BMP6: variants seen among roughly 807,000 people sequenced by gnomAD.
BMP6 encodes the protein VG-1-R.
A neutral mutation model predicts 54.1 loss-of-function variants in BMP6; 17 were observed. That is an observed-to-expected ratio of 0.31 (90% CI 0.22 to 0.47). The LOEUF is 0.47. Among genes scored for constraint, BMP6 ranks in the 20% least tolerant of loss-of-function variants. The probability of loss-of-function intolerance (pLI) is 1.00; values close to 1 mark genes in which losing one functional copy is unlikely to be tolerated. For missense variants in BMP6, 720 were observed against 690.4 expected (o/e 1.04, Z -0.48); for synonymous variants, 328 against 291.2 (o/e 1.13, Z -1.28).
intron 1 of BMP6, among the ~76,000 whole-genome samples, chr6:7,769,787 G>A (rs545770985): frequency 3.9e-4 from 60 of 152,256 alleles, no homozygotes; most frequent in Non-Finnish European, 7.1e-4. Context: ...GAGTCCTACC[G>A]CATGTCTGCA....
At chr6:7,826,526 G>C (rs1378080873) in intron 1 of BMP6, among the ~76,000 whole-genome samples, 3 of 152,168 alleles carry the variant, frequency 2.0e-5, no homozygotes, top group South Asian at 2.1e-4. Context: ...GCGTTTGAAG[G>C]TTATAAAAAG....
chr6:7,807,445 T>A (rs1187241110), intron 1 of BMP6, among the ~76,000 whole-genome samples: 1 of 152,112 alleles, frequency 6.6e-6, no homozygotes, highest in Admixed American at 6.5e-5. Flanking sequence ...CACACCCGGC[T>A]GATTTTTGCA....
At chr6:7,874,493 C>T (rs895667799) in intron 4 of BMP6, among the ~76,000 whole-genome samples, 15 of 152,176 alleles carry the variant, frequency 9.9e-5, no homozygotes, top group African/African-American at 1.9e-4. Flanking sequence ...AGGTGGCTCA[C>T]GCCTGTAATC....
intron 1 of BMP6, among the ~76,000 whole-genome samples, chr6:7,778,650 T>G (rs1027639602): frequency 1.5e-4 from 23 of 152,208 alleles, no homozygotes; most frequent in Non-Finnish European, 3.1e-4. Flanking sequence ...TGTCATAATT[T>G]TAGGGTTTCA....
chr6:7,778,055 C>G (rs754177110), intron 1 of BMP6, among the ~76,000 whole-genome samples: 1 of 152,110 alleles, frequency 6.6e-6, no homozygotes, highest in Non-Finnish European at 1.5e-5. Context: ...AAGTGCATCT[C>G]CCTGGAGAGG....
At chr6:7,879,830 T>C (rs1340143932) in intron 5 of BMP6, among the ~76,000 whole-genome samples, 161 bp from the exon 6 acceptor site, 1 of 152,230 alleles carries the variant, frequency 6.6e-6, no homozygotes, top group Non-Finnish European at 1.5e-5. Context: ...CTTCCCAGCA[T>C]TGCCACTTGA....
intron 1 of BMP6, among the ~76,000 whole-genome samples, chr6:7,783,673 C>T (rs538126066): frequency 1.4e-4 from 21 of 152,362 alleles, no homozygotes; most frequent in Non-Finnish European, 2.6e-4. Flanking sequence ...CCCCTCCTTT[C>T]TCTTGTTCAC....
intron 1 of BMP6, among the ~76,000 whole-genome samples, chr6:7,835,546 C>G (rs1230149888): frequency 6.6e-6 from 1 of 152,132 alleles, no homozygotes; most frequent in Non-Finnish European, 1.5e-5. Flanking sequence ...TGTGTTTTGA[C>G]TGGAGATGTA....
intron 1 of BMP6, among the ~76,000 whole-genome samples, chr6:7,803,685 T>C (rs1758305524): frequency 6.6e-6 from 1 of 152,214 alleles, no homozygotes; most frequent in Admixed American, 6.5e-5. Context: ...CGCCCTTCTC[T>C]GCCAGCCCTT....
intron 4 of BMP6, among the ~76,000 whole-genome samples, chr6:7,875,678 G>A (rs1023570800): frequency 6.6e-6 from 1 of 152,152 alleles, no homozygotes; most frequent in Non-Finnish European, 1.5e-5. Context: ...AGAAAAAAAA[G>A]TTTTATCAGC....
chr6:7,808,121 C>T (rs1014076912), intron 1 of BMP6, among the ~76,000 whole-genome samples: 33 of 152,064 alleles, frequency 2.2e-4, no homozygotes, highest in Admixed American at 9.8e-4. Flanking sequence ...GGGGTTTCAC[C>T]GTGTTAGCCA....
At chr6:7,856,807 G>A (rs988822165) in intron 2 of BMP6, among the ~76,000 whole-genome samples, 16 of 151,146 alleles carry the variant, frequency 1.1e-4, no homozygotes, top group East Asian at 5.8e-4. Context: ...CGTTTTAGCC[G>A]GGATGGTCTC....
At chr6:7,816,716 G>A (rs757328889) in intron 1 of BMP6, among the ~76,000 whole-genome samples, 3 of 151,982 alleles carry the variant, frequency 2.0e-5, no homozygotes, top group Non-Finnish European at 4.4e-5. Context: ...GCACAGCAGA[G>A]TATACTTTGT....
intron 1 of BMP6, among the ~76,000 whole-genome samples, chr6:7,792,437 G>A (rs1758124419): frequency 6.6e-6 from 1 of 152,160 alleles, no homozygotes. Flanking sequence ...CTTCTAAACA[G>A]TATTTTACTA....
At chr6:7,816,793 ATATAT>A (rs1162579452) in intron 1 of BMP6, among the ~76,000 whole-genome samples, 2 of 151,976 alleles carry the variant, frequency 1.3e-5, no homozygotes, top group Non-Finnish European at 1.5e-5. Context: ...TGGAGGGATA[ATATAT>A]TAGATTAAAA....
chr6:7,880,752 A>G lies in BMP6; in HGVS notation c.*409A>G, dbSNP rs911369032. On this transcript the variant is annotated 3_prime_UTR_variant, in exon 7 of 7. Coordinates refer to ENST00000283147, the MANE Select transcript of BMP6 (RefSeq NM_001718.6). ...TCTTGGCTAAAGGATCAGCTGGTTC[A>G]GTACTGTCTATCAAAGGTAGATTTT... 1.2e-5 allele frequency: 3 copies of G among 243,922 alleles called. No homozygotes were observed. Among genetic ancestry groups the G allele is most frequent in the African/African-American group, 6.7e-5 (3 of 44,848 alleles). 15.1% of individuals were successfully genotyped at this position (243,922 alleles called of 1,614,324 possible).
chr6:7,856,120 T>TTAAAAA (rs538414464), intron 2 of BMP6, among the ~76,000 whole-genome samples: 3 of 83,664 alleles, frequency 3.6e-5, no homozygotes, highest in Non-Finnish European at 6.5e-5. Flanking sequence ...TCAAAGACTG[T>TTAAAAA]AAAAAAAAAA....
intron 1 of BMP6, among the ~76,000 whole-genome samples, chr6:7,784,976 A>G (rs888233024): frequency 1.3e-5 from 2 of 152,200 alleles, no homozygotes; most frequent in Non-Finnish European, 2.9e-5. Context: ...AACTTTTCCC[A>G]TTTGGCAAGG....
chr6:7,733,693 T>G (rs1761910410), intron 1 of BMP6, among the ~76,000 whole-genome samples: 1 of 152,316 alleles, frequency 6.6e-6, no homozygotes. Context: ...GGAGTTAACT[T>G]TATTCAAATA....
Sources: gnomAD v4.1 joint callset for allele counts (sites outside exome capture counted in the v4.1 genomes callset) on GRCh38, gnomAD v4.1.1 for gene constraint, MANE v1.5 for transcripts, NCBI Gene and HGNC (gene_info 2026-07-23, HGNC 2026-07-21) for gene names.